Variants in GALNT2 observed in about 807,000 individuals in gnomAD.
GALNT2 encodes the protein UDP-GalNAc:polypeptide N-acetylgalactosaminyltransferase 2.
GALNT2 carries 31 observed loss-of-function variants against 81.4 expected under a neutral mutation model. The ratio of observed to expected loss-of-function variants is 0.38; its 90% CI spans 0.29 to 0.51. The LOEUF is 0.51. Ranked by LOEUF, GALNT2 falls within the 20% of genes least tolerant of loss-of-function variation. The pLI is 0.87. For synonymous variants in GALNT2, 303 were observed against 287.4 expected, an observed-to-expected ratio of 1.05 and a Z score of -0.55; for missense variants, 629 against 765.7, an observed-to-expected ratio of 0.82 and a Z score of 2.11.
intron 2 of GALNT2, among the ~76,000 whole-genome samples, chr1:230,184,149 T>C (rs1663244910): frequency 6.6e-6 from 1 of 152,108 alleles, no homozygotes; most frequent in Non-Finnish European, 1.5e-5. Flanking sequence ...TCAACTTGTG[T>C]TTGAGGAAGT....
rs1248529930 is a variant in GALNT2 at position 230,070,245 on chromosome 1, CCTTTCCCCCCATATTTTGCT to C, written c.126+2849_126+2868del. On this transcript the variant is annotated intron_variant, in intron 1 of 15. Coordinates refer to ENST00000366672, the MANE Select transcript of GALNT2 (RefSeq NM_004481.5). The surrounding 1 kb of genome is among the most constrained non-coding windows in gnomAD (Gnocchi z 4.7). The stretch of plus-strand genomic sequence containing the variant: ...GTTTCATTTACATTTGTGTCCATAC[CCTTTCCCCCCATATTTTGCT>C]CTTTCCCCCTAAATTGATGATTTGC... Among the ~76,000 whole-genome samples the C allele has an allele frequency of 6.6e-6, 1 of 152,034 alleles. No homozygotes were observed. The highest frequency in any genetic ancestry group is 1.9e-4 in the East Asian group (1 of 5,182).
At chr1:230,075,939 G>T (rs780910714) in intron 1 of GALNT2, among the ~76,000 whole-genome samples, 7 of 152,002 alleles carry the variant, frequency 4.6e-5, no homozygotes, top group African/African-American at 1.5e-4. Flanking sequence ...CCTCTTTTTC[G>T]GTGATCTCTC....
intron 1 of GALNT2, among the ~76,000 whole-genome samples, chr1:230,100,184 C>T (rs1420575542): frequency 1.3e-5 from 2 of 151,958 alleles, no homozygotes; most frequent in Non-Finnish European, 2.9e-5. Context: ...TCTATGTTTT[C>T]TAAATTTTAA....
chr1:230,138,742 G>A (rs560676472), intron 1 of GALNT2, among the ~76,000 whole-genome samples: 46 of 152,248 alleles, frequency 3.0e-4, no homozygotes, highest in African/African-American at 1.0e-3. Flanking sequence ...ACTTCTTGAC[G>A]TTGCCATGGC....
intron 3 of GALNT2, among the ~76,000 whole-genome samples, chr1:230,215,278 G>A (rs909980833): frequency 6.6e-6 from 1 of 152,216 alleles, no homozygotes. Context: ...ACTTGGCTCT[G>A]CACCTACAAG....
intron 9 of GALNT2, 22 bp from the exon 10 acceptor site, chr1:230,250,435 C>A (rs770957624): frequency 9.4e-6 from 15 of 1,595,702 alleles, no homozygotes; most frequent in Middle Eastern, 1.7e-4. Flanking sequence ...CTCCCTCCCC[C>A]CTCTTCTTTC....
At chr1:230,080,628 G>T (rs1053894269) in intron 1 of GALNT2, among the ~76,000 whole-genome samples, 1 of 152,148 alleles carries the variant, frequency 6.6e-6, no homozygotes, top group African/African-American at 2.4e-5. Context: ...CTAGCTCTGG[G>T]TGTCTTTCTG....
intron 3 of GALNT2, among the ~76,000 whole-genome samples, chr1:230,211,194 A>G (rs1330631094): frequency 6.6e-6 from 1 of 152,146 alleles, no homozygotes; most frequent in East Asian, 1.9e-4. Flanking sequence ...CCGCTGCTCC[A>G]TGGTAGAGCT....
At chr1:230,132,397 T>TA (rs1661397330) in intron 1 of GALNT2, among the ~76,000 whole-genome samples, 1 of 152,220 alleles carries the variant, frequency 6.6e-6, no homozygotes, top group South Asian at 2.1e-4. Context: ...CTCCAGCTGA[T>TA]ACTGGGAGCG....
chr1:230,068,211 G>A (rs1659262779), intron 1 of GALNT2, among the ~76,000 whole-genome samples: 1 of 152,240 alleles, frequency 6.6e-6, no homozygotes, highest in Admixed American at 6.5e-5. Flanking sequence ...ATCTGGCTGT[G>A]GGGACCGTGT....
intron 2 of GALNT2, among the ~76,000 whole-genome samples, chr1:230,196,295 C>T (rs1229463040): frequency 1.3e-5 from 2 of 152,150 alleles, no homozygotes; most frequent in African/African-American, 2.4e-5. Context: ...GCCCTTTCTC[C>T]GGGGCTTTCT....
intron 2 of GALNT2, among the ~76,000 whole-genome samples, chr1:230,185,660 T>A (rs571258782): frequency 3.9e-4 from 59 of 152,328 alleles, no homozygotes; most frequent in African/African-American, 1.4e-3. Flanking sequence ...TGGCAGGCCT[T>A]ATTAATAAGA....
intron 1 of GALNT2, among the ~76,000 whole-genome samples, chr1:230,068,262 GA>G (rs1276036551): frequency 6.6e-6 from 1 of 152,232 alleles, no homozygotes; most frequent in Non-Finnish European, 1.5e-5. Context: ...CGCCGCTCCG[GA>G]CGGCCGGGCC....
intron 1 of GALNT2, among the ~76,000 whole-genome samples, chr1:230,167,800 T>C (rs896316828): frequency 3.9e-5 from 6 of 152,164 alleles, no homozygotes; most frequent in Non-Finnish European, 8.8e-5. Context: ...CTGCGGCTGC[T>C]CCACTGTGGC....
intron 1 of GALNT2, among the ~76,000 whole-genome samples, chr1:230,151,665 C>T (rs1662098101): frequency 6.6e-6 from 1 of 152,210 alleles, no homozygotes; most frequent in Admixed American, 6.5e-5. Context: ...TTGATGGCTT[C>T]AACTACAGAT....
At chr1:230,274,413 G>A (rs1339072926) in intron 14 of GALNT2, 32 bp from the exon 15 acceptor site, 1 of 1,610,184 alleles carries the variant, frequency 6.2e-7, no homozygotes, top group Non-Finnish European at 8.5e-7. Flanking sequence ...CCGGTGCATA[G>A]CACGCCTCTG....
At chr1:230,249,382 C>A in intron 9 of GALNT2, 111 bp downstream of exon 9, 2 of 804,890 alleles carry the variant, frequency 2.5e-6, no homozygotes, top group Middle Eastern at 3.7e-4. Context: ...CACCTTCTGC[C>A]CTCCGGTTTC....
chr1:230,256,265 T>C lies in GALNT2; in HGVS notation c.1136+921T>C, dbSNP rs1008794828. Among the ~76,000 whole-genome samples the C allele has an allele frequency of 1.2e-4, 19 of 152,190 alleles. 1 individual carries two copies. Among genetic ancestry groups the C allele is most frequent in the African/African-American group, 4.6e-4 (19 of 41,522 alleles). ...GAGTTTGAGACCAGCCTGGCCAACA[T>C]GGAAACCGCATCTCTACTAAAAATA... On this transcript the variant is annotated intron_variant, in intron 11 of 15. Transcript: ENST00000366672.
At chr1:230,069,607 T>A (rs1177661039) in intron 1 of GALNT2, among the ~76,000 whole-genome samples, 1 of 152,166 alleles carries the variant, frequency 6.6e-6, no homozygotes, top group Non-Finnish European at 1.5e-5. Context: ...CACGAATGCC[T>A]GATGTATAGG....
Sources: gnomAD v4.1 joint callset for allele counts (sites outside exome capture counted in the v4.1 genomes callset) on GRCh38, gnomAD v4.1.1 for gene constraint, Gnocchi (gnomAD v3.1) non-coding constraint, MANE v1.5 for transcripts, NCBI Gene and HGNC (gene_info 2026-07-23, HGNC 2026-07-21) for gene names.